Variants in ARHGAP26 observed in about 807,000 individuals in gnomAD.
The protein encoded by ARHGAP26 is rho GTPase-activating protein 26.
ARHGAP26 carries 38 observed loss-of-function variants against 104.8 expected under a neutral mutation model. The observed-to-expected ratio is 0.36, with a 90% confidence interval of 0.28 to 0.48. ARHGAP26 has a LOEUF of 0.48. Ranked by LOEUF, ARHGAP26 falls within the 20% of genes least tolerant of loss-of-function variation. The pLI is 0.99. For missense variants in ARHGAP26, 704 were observed against 947.9 expected (o/e 0.74, Z 3.38); for synonymous variants, 341 against 340.0 (o/e 1.00, Z -0.03).
intron 1 of ARHGAP26, chr5:142,866,869 A>T (rs1037785700): frequency 3.3e-5 from 5 of 152,220 alleles, no homozygotes; most frequent in African/African-American, 4.8e-5. Context: ...GGTTTTCTGA[A>T]TCTGCTCCAG....
intron 11 of ARHGAP26, among the ~76,000 whole-genome samples, chr5:142,990,349 A>T (rs891867417): frequency 4.6e-5 from 7 of 152,022 alleles, no homozygotes; most frequent in Non-Finnish European, 1.0e-4. Context: ...CTAGTTAGCT[A>T]TTTGTCTAAT....
chr5:143,187,499 C>T (rs1805324373), intron 20 of ARHGAP26, among the ~76,000 whole-genome samples: 1 of 152,178 alleles, frequency 6.6e-6, no homozygotes, highest in African/African-American at 2.4e-5. Context: ...TCAGGCATTT[C>T]CTGGTCCCTT....
chr5:142,842,806 C>T (rs148973363), intron 1 of ARHGAP26, among the ~76,000 whole-genome samples: 132 of 152,226 alleles, frequency 8.7e-4, no homozygotes, highest in African/African-American at 2.6e-3. Context: ...AGGCTTAGAA[C>T]GTAATTGTTT....
rs1449405597 is a variant in ARHGAP26 at position 143,214,067 on chromosome 5, G to A, written c.2170G>A (p.Ala724Thr). 2 of 1,541,244 alleles carry A rather than the reference G, an allele frequency of 1.3e-6. No individual in the cohort carries two copies. Among genetic ancestry groups the A allele is most frequent in the Non-Finnish European group, 1.8e-6 (2 of 1,133,574 alleles). Residue 724 changes from alanine to threonine, a missense_variant, in exon 22 of 23, where the codon GCA becomes ACA. Ala to Thr is a moderately conservative substitution (Grantham distance 58, BLOSUM62 0). Coordinates refer to ENST00000645722, the MANE Select transcript of ARHGAP26 (RefSeq NM_001135608.3). ...ACATGACTCAGAACTTTCGTTCACA[G>A]CAGGCACGGTCTTCGATAACGGTGA... ...AEHDSELSFT[A>T]GTVFDNVHPS...
rs543478755 is a variant in ARHGAP26, at chr5:143,052,200, G to A, written c.1286-2239G>A. ...AAAATTATGCTCTTGGGCCAGGCGC[G>A]GTGGCTCATGCCTGTAATCCCAGCA... On this transcript the variant is annotated intron_variant, in intron 14 of 22. Transcript: ENST00000645722. Among the ~76,000 whole-genome samples, 98 of 152,244 alleles carry A rather than the reference G, an allele frequency of 6.4e-4. 1 individual carries two copies. Among genetic ancestry groups the A allele is most frequent in the Middle Eastern group, 3.4e-3 (1 of 294 alleles).
chr5:142,893,159 G>T (rs1357238733), intron 5 of ARHGAP26, among the ~76,000 whole-genome samples: 1 of 151,854 alleles, frequency 6.6e-6, no homozygotes, highest in African/African-American at 2.4e-5. Context: ...TGTATTTTTA[G>T]TAGAGATGGG....
intron 17 of ARHGAP26, among the ~76,000 whole-genome samples, chr5:143,113,278 G>A (rs1023057492): frequency 2.0e-5 from 3 of 152,176 alleles, no homozygotes; most frequent in African/African-American, 7.2e-5. Context: ...GCCTCTGTTA[G>A]TGGAGGTTAA....
chr5:142,841,415 T>TA (rs1291341485), intron 1 of ARHGAP26, among the ~76,000 whole-genome samples: 14 of 152,212 alleles, frequency 9.2e-5, no homozygotes, highest in Non-Finnish European at 1.8e-4. Context: ...TCATTGCCGT[T>TA]ACGTTTACGG....
chr5:143,094,877 G>C (rs956522228), intron 17 of ARHGAP26, among the ~76,000 whole-genome samples: 1 of 152,032 alleles, frequency 6.6e-6, no homozygotes, highest in Non-Finnish European at 1.5e-5. Context: ...GCAGGTAATC[G>C]GAATGAGTCA....
chr5:142,805,127 G>A (rs1762758536), intron 1 of ARHGAP26, among the ~76,000 whole-genome samples: 1 of 146,160 alleles, frequency 6.8e-6, no homozygotes. Context: ...TTTTGAGATG[G>A]AGTTTCACCC....
intron 17 of ARHGAP26, among the ~76,000 whole-genome samples, chr5:143,094,560 T>C (rs1792009836): frequency 6.6e-6 from 1 of 152,214 alleles, no homozygotes. Context: ...GAATATAAAA[T>C]TTTCTTTTTA....
intron 7 of ARHGAP26, among the ~76,000 whole-genome samples, chr5:142,902,422 G>C (rs1000002821): frequency 6.6e-6 from 1 of 152,182 alleles, no homozygotes; most frequent in South Asian, 2.1e-4. Context: ...TTCTGGGAAT[G>C]GGGGCTGGGG....
intron 17 of ARHGAP26, among the ~76,000 whole-genome samples, chr5:143,093,623 CCT>C (rs563152506): frequency 6.6e-6 from 1 of 150,942 alleles, no homozygotes. Context: ...TTTGTCTCCT[CCT>C]CTCTCTCTCT....
chr5:143,207,209 C>T lies in ARHGAP26; in HGVS notation c.2000C>T (p.Pro667Leu), dbSNP rs1200713108. 1 of 1,613,698 alleles carries T rather than the reference C, an allele frequency of 6.2e-7. No homozygotes were observed. Among genetic ancestry groups the T allele is most frequent in the Non-Finnish European group, 8.5e-7 (1 of 1,179,790 alleles). ...GTTATGTCTTGCAGCCCCCCGAATCCAAGCCCAACTTCACCCCTCTCGCCA... is the reference window on the plus strand; with the variant it reads ...GTTATGTCTTGCAGCCCCCCGAATCTAAGCCCAACTTCACCCCTCTCGCCA... Reference protein sequence around the residue: ...PTRPNSLPPNPSPTSPLSPSW... With the variant: ...PTRPNSLPPNLSPTSPLSPSW... Residue 667 changes from proline to leucine, a missense_variant, in exon 21 of 23, where the codon CCA becomes CTA. By Grantham distance (98) the Pro-to-Leu change is moderately conservative. Around this residue, in one of 6 missense-constraint regions of ARHGAP26, gnomAD observed 217 missense variants for 242.6 expected, o/e 0.89. Transcript: ENST00000645722.
chr5:142,890,588 A>C (rs1758519300), intron 5 of ARHGAP26, among the ~76,000 whole-genome samples: 1 of 151,916 alleles, frequency 6.6e-6, no homozygotes. Flanking sequence ...TGCAGAGTGG[A>C]TTGGGGCAGA....
At chr5:143,054,571 T>C (rs751444258) in intron 15 of ARHGAP26, 45 bp downstream of exon 15, 3 of 1,400,350 alleles carry the variant, frequency 2.1e-6, no homozygotes, top group South Asian at 1.2e-5. Context: ...CTAGTTATCA[T>C]GCAATCAGGA....
chr5:143,055,469 A>G (rs1785664789), intron 15 of ARHGAP26, among the ~76,000 whole-genome samples: 1 of 152,236 alleles, frequency 6.6e-6, no homozygotes, highest in Admixed American at 6.5e-5. Context: ...TATTTGAACT[A>G]TCAGGAAAAA....
intron 1 of ARHGAP26, among the ~76,000 whole-genome samples, chr5:142,777,080 A>G (rs1042246042): frequency 5.9e-5 from 9 of 152,158 alleles, no homozygotes; most frequent in Non-Finnish European, 1.2e-4. Context: ...TGAAATGTCT[A>G]TTCAGATCTT....
Position 142,857,248 on chromosome 5 carries a change from G to A in ARHGAP26, c.155-16152G>A, listed in dbSNP as rs576556270. 1.0e-3 allele frequency among the ~76,000 whole-genome samples: 159 copies of A among 152,270 alleles called. 1 individual carries two copies. Among genetic ancestry groups the A allele is most frequent in the African/African-American group, 3.5e-3 (146 of 41,558 alleles). On this transcript the variant is annotated intron_variant, in intron 1 of 22. Coordinates refer to ENST00000645722, the MANE Select transcript of ARHGAP26 (RefSeq NM_001135608.3). The stretch of plus-strand genomic sequence containing the variant: ...TTTCCAAATAAAGTCACATTCTGAG[G>A]TTCCGGGTAGACATCAATTTTGAGG...
Sources: gnomAD v4.1 joint callset for allele counts (sites outside exome capture counted in the v4.1 genomes callset) on GRCh38, gnomAD v4.1.1 for gene constraint, gnomAD v4.1.1 regional missense constraint, MANE v1.5 for transcripts, NCBI Gene and HGNC (gene_info 2026-07-23, HGNC 2026-07-21) for gene names.